SORCS2: variants seen among roughly 807,000 people sequenced by gnomAD.
SORCS2 encodes the protein sortilin related VPS10 domain containing receptor 2, also known as VPS10 domain-containing receptor SorCS2.
A neutral mutation model predicts 141.6 loss-of-function variants in SORCS2; 100 were observed. That is an observed-to-expected ratio of 0.71 (90% CI 0.60 to 0.83). The LOEUF is 0.83. SORCS2 is among the 40% of genes least tolerant of loss of function. The probability of loss-of-function intolerance (pLI) is 0.00; values close to 1 mark genes in which losing one functional copy is unlikely to be tolerated. For missense variants in SORCS2, 1,646 were observed against 1,560.2 expected (o/e 1.05, Z -0.93); for synonymous variants, 789 against 676.9 (o/e 1.17, Z -2.57).
intron 1 of SORCS2, among the ~76,000 whole-genome samples, chr4:7,316,924 C>CTCAAA (rs1718597249): frequency 6.6e-6 from 1 of 152,144 alleles, no homozygotes; most frequent in Non-Finnish European, 1.5e-5. Flanking sequence ...TCTCTTGTGG[C>CTCAAA]TTCTGGTTTT....
At chr4:7,542,248 T>G (rs55881020) in intron 3 of SORCS2, among the ~76,000 whole-genome samples, 1 of 152,164 alleles carries the variant, frequency 6.6e-6, no homozygotes, top group Admixed American at 6.5e-5. Flanking sequence ...TGGGGCTGCA[T>G]GCAGTGCTTT....
chr4:7,463,885 G>A (rs548414919), intron 2 of SORCS2, among the ~76,000 whole-genome samples: 1 of 152,334 alleles, frequency 6.6e-6, no homozygotes, highest in East Asian at 1.9e-4. Context: ...CAGTAGCAGA[G>A]ACTGGGGAGG....
chr4:7,740,575 T>C lies in SORCS2; in HGVS notation c.*311T>C. The C allele has an allele frequency of 2.3e-6, 1 of 427,958 alleles. No homozygotes were observed. 26.5% of individuals were successfully genotyped at this position (427,958 alleles called of 1,614,324 possible). On this transcript the variant is annotated 3_prime_UTR_variant, in exon 27 of 27. Coordinates refer to ENST00000507866, the MANE Select transcript of SORCS2 (RefSeq NM_020777.3). ...GCTGTCGCTCAGCCCGAGGCCTGAC[T>C]TCTCTGGGCTGAGGCTGGTCGTCCT... is the stretch of plus-strand genomic sequence containing the variant.
intron 2 of SORCS2, among the ~76,000 whole-genome samples, chr4:7,505,150 C>T (rs1156583653): frequency 2.0e-5 from 3 of 152,126 alleles, no homozygotes; most frequent in Non-Finnish European, 2.9e-5. Flanking sequence ...CCCTCCAGGG[C>T]GGGATGGGTG....
At chr4:7,376,097 G>A (rs144947309) in intron 1 of SORCS2, among the ~76,000 whole-genome samples, 1 of 152,350 alleles carries the variant, frequency 6.6e-6, no homozygotes, top group African/African-American at 2.4e-5. Flanking sequence ...GCACATGGTA[G>A]GAGTGCAGTT....
Position 7,655,983 on chromosome 4 carries a change from A to G in SORCS2, c.887+1776A>G, listed in dbSNP as rs185197688. 3.7e-3 allele frequency among the ~76,000 whole-genome samples: 571 copies of G among 152,338 alleles called. 2 individuals are homozygous for G. Among genetic ancestry groups the G allele is most frequent in the Non-Finnish European group, 6.1e-3 (413 of 68,036 alleles). Reference sequence around the variant, plus strand: ...CCCCAAGTTTCCCTGCTGTTACTCGAGGGAATCACAGCAGACACTGACCAC... The same window carrying G: ...CCCCAAGTTTCCCTGCTGTTACTCGGGGGAATCACAGCAGACACTGACCAC... On this transcript the variant is annotated intron_variant, in intron 5 of 26. Coordinates refer to ENST00000507866, the MANE Select transcript of SORCS2 (RefSeq NM_020777.3).
chr4:7,229,196 G>T (rs1309136097), intron 1 of SORCS2, among the ~76,000 whole-genome samples: 1 of 152,142 alleles, frequency 6.6e-6, no homozygotes, highest in East Asian at 1.9e-4. Context: ...TCTCCTCCAA[G>T]GGTGGCCCCA....
chr4:7,684,529 C>A (rs1162666333), intron 10 of SORCS2, among the ~76,000 whole-genome samples: 4 of 152,232 alleles, frequency 2.6e-5, no homozygotes, highest in African/African-American at 9.6e-5. Context: ...CATACTGCTT[C>A]TCTGTCTGTT....
chr4:7,538,363 G>A (rs963421098), intron 3 of SORCS2, among the ~76,000 whole-genome samples: 6 of 152,104 alleles, frequency 3.9e-5, no homozygotes, highest in African/African-American at 1.4e-4. Flanking sequence ...GGGCCCTGAC[G>A]ACCCCCACAC....
intron 1 of SORCS2, among the ~76,000 whole-genome samples, chr4:7,244,319 C>A (rs1321786508): frequency 6.6e-6 from 1 of 152,182 alleles, no homozygotes; most frequent in African/African-American, 2.4e-5. Context: ...GTTATTTATC[C>A]CCAAAGTCAT....
Position 7,560,656 on chromosome 4 carries a change from G to A in SORCS2, c.648+29027G>A, listed in dbSNP as rs77995562. On this transcript the variant is annotated intron_variant, in intron 3 of 26. Coordinates refer to ENST00000507866, the MANE Select transcript of SORCS2 (RefSeq NM_020777.3). ...AGTAAAGAAATAGGGACGGCTCTGG[G>A]TACATGGGGCTCAGATGTCAGGACC... 9.6e-3 allele frequency among the ~76,000 whole-genome samples: 1,455 copies of A among 152,258 alleles called. 24 individuals carry two copies. The highest frequency in any genetic ancestry group is 0.034 in the African/African-American group (1,398 of 41,542).
intron 1 of SORCS2, among the ~76,000 whole-genome samples, chr4:7,300,796 T>C (rs1717382331): frequency 6.6e-6 from 1 of 152,232 alleles, no homozygotes; most frequent in Non-Finnish European, 1.5e-5. Context: ...GCTTGATTTC[T>C]GTCTGCAGCC....
At chr4:7,214,759 C>G (rs1477794212) in intron 1 of SORCS2, among the ~76,000 whole-genome samples, 1 of 152,204 alleles carries the variant, frequency 6.6e-6, no homozygotes, top group African/African-American at 2.4e-5. Flanking sequence ...AGGTCAGCAC[C>G]TAGCTGAGGC....
chr4:7,219,705 C>T (rs1031089833), intron 1 of SORCS2, among the ~76,000 whole-genome samples: 4 of 152,228 alleles, frequency 2.6e-5, no homozygotes, highest in African/African-American at 9.6e-5. Context: ...CCAACCACTT[C>T]CTGCTGGGTC....
chr4:7,220,568 G>A (rs1464448362), intron 1 of SORCS2, among the ~76,000 whole-genome samples: 2 of 152,288 alleles, frequency 1.3e-5, no homozygotes, highest in Non-Finnish European at 2.9e-5. Flanking sequence ...GTAAGCATTG[G>A]TTTAGATGGG....
At chr4:7,600,956 G>C (rs1717627514) in intron 3 of SORCS2, among the ~76,000 whole-genome samples, 1 of 152,154 alleles carries the variant, frequency 6.6e-6, no homozygotes, top group South Asian at 2.1e-4. Flanking sequence ...CATGGTCTCA[G>C]CTCACTGCAA....
intron 1 of SORCS2, among the ~76,000 whole-genome samples, chr4:7,212,616 G>A (rs1728119292): frequency 6.6e-6 from 1 of 152,232 alleles, no homozygotes; most frequent in Non-Finnish European, 1.5e-5. Context: ...ATGGGAAACA[G>A]GCTAAAGAGA....
intron 3 of SORCS2, among the ~76,000 whole-genome samples, chr4:7,533,191 C>T (rs1191161193): frequency 6.6e-6 from 1 of 152,192 alleles, no homozygotes; most frequent in Non-Finnish European, 1.5e-5. Context: ...CCCAGCTTCA[C>T]CGAGCCCAAA....
chr4:7,614,035 C>T (rs1477867233), intron 3 of SORCS2, among the ~76,000 whole-genome samples: 1 of 151,756 alleles, frequency 6.6e-6, no homozygotes, highest in East Asian at 1.9e-4. Flanking sequence ...ATCATTCACC[C>T]ATAATCCATT....
Sources: gnomAD v4.1 joint callset for allele counts (sites outside exome capture counted in the v4.1 genomes callset) on GRCh38, gnomAD v4.1.1 for gene constraint, MANE v1.5 for transcripts, NCBI Gene and HGNC (gene_info 2026-07-23, HGNC 2026-07-21) for gene names.